The following GPHN variants were observed in gnomAD, a reference collection of about 807,000 sequenced individuals.
GPHN encodes the protein gephyrin.
A neutral mutation model predicts 95.5 loss-of-function variants in GPHN; 17 were observed. The ratio of observed to expected loss-of-function variants is 0.18; its 90% CI spans 0.12 to 0.27. The LOEUF is 0.27. GPHN is among the 10% of genes least tolerant of loss of function. The pLI is 1.00. For missense variants in GPHN, 660 were observed against 978.1 expected (o/e 0.67, Z 4.34); for synonymous variants, 320 against 322.5 (o/e 0.99, Z 0.08).
the GPHN span, among the ~76,000 whole-genome samples, chr14:67,578,956 C>T: frequency 6.6e-6 from 1 of 152,328 alleles, no homozygotes; most frequent in South Asian, 2.1e-4. This position sits in a 1 kb window ranked among gnomAD's most constrained non-coding sequence, Gnocchi z 5.0. Context: ...ATGCCAGCAA[C>T]CTGCTATATA....
chr14:67,190,587 A>G, the GPHN span, among the ~76,000 whole-genome samples: 4 of 152,176 alleles, frequency 2.6e-5, no homozygotes, highest in African/African-American at 9.7e-5. Context: ...AAAAATTCTC[A>G]AAGACTGAGA....
the GPHN span, among the ~76,000 whole-genome samples, chr14:67,572,602 C>T: frequency 7.2e-6 from 1 of 138,858 alleles, no homozygotes; most frequent in African/African-American, 2.5e-5. Context: ...CGCAAGCTAA[C>T]ATTTATTGAA....
intron 1 of GPHN, among the ~76,000 whole-genome samples, chr14:66,640,196 G>A (rs559814702): frequency 8.9e-4 from 135 of 152,258 alleles, no homozygotes; most frequent in Non-Finnish European, 1.4e-3. Context: ...TGAGACACGC[G>A]GATCACTTGA....
intron 2 of GPHN, among the ~76,000 whole-genome samples, chr14:66,691,850 A>G (rs2067802910): frequency 6.6e-6 from 1 of 152,224 alleles, no homozygotes; most frequent in African/African-American, 2.4e-5. Flanking sequence ...AAATTAAGAT[A>G]TAGGGTCTGC....
chr14:66,968,527 C>G (rs911620734), intron 9 of GPHN, among the ~76,000 whole-genome samples: 2 of 152,084 alleles, frequency 1.3e-5, no homozygotes, highest in East Asian at 3.8e-4. Flanking sequence ...AATGTATGTG[C>G]AAACGTATTT....
At chr14:67,345,566 A>G in the GPHN span, among the ~76,000 whole-genome samples, 1 of 152,216 alleles carries the variant, frequency 6.6e-6, no homozygotes, top group African/African-American at 2.4e-5. Context: ...AAAAAAATAA[A>G]AAATACATAA....
chr14:67,643,206 TTCTGA>T, the GPHN span, among the ~76,000 whole-genome samples: 1 of 152,230 alleles, frequency 6.6e-6, no homozygotes, highest in Non-Finnish European at 1.5e-5. Flanking sequence ...TTGAGCACTG[TTCTGA>T]TATTTTCTCA....
chr14:67,199,319 A>C, the GPHN span: 1 of 1,612,338 alleles, frequency 6.2e-7, no homozygotes, highest in Non-Finnish European at 8.5e-7. Context: ...AATACGGGTG[A>C]ACAAGGCATC....
At chr14:67,428,408 C>G in the GPHN span, among the ~76,000 whole-genome samples, 1 of 152,266 alleles carries the variant, frequency 6.6e-6, no homozygotes, top group Non-Finnish European at 1.5e-5. Context: ...ACTTAGAGCA[C>G]TTATGTGCCT....
At chr14:66,563,931 G>A (rs1312605624) in intron 1 of GPHN, among the ~76,000 whole-genome samples, 1 of 152,102 alleles carries the variant, frequency 6.6e-6, no homozygotes, top group Non-Finnish European at 1.5e-5. Flanking sequence ...ACCATAGCAA[G>A]TTTTTGTCTT....
chr14:67,246,651 T>TG, the GPHN span, among the ~76,000 whole-genome samples: 1 of 142,984 alleles, frequency 7.0e-6, no homozygotes. Flanking sequence ...TACTATAGGT[T>TG]TTTTTTTTTT....
intron 13 of GPHN, 46 bp downstream of exon 13, chr14:67,100,957 G>T (rs777095911): frequency 3.6e-6 from 4 of 1,120,068 alleles, no homozygotes; most frequent in South Asian, 1.2e-5. Context: ...CAGCTTCATG[G>T]ACTTTGGGCA....
At chr14:66,932,265 G>A (rs1207964721) in intron 8 of GPHN, among the ~76,000 whole-genome samples, 2 of 151,914 alleles carry the variant, frequency 1.3e-5, no homozygotes, top group Admixed American at 6.6e-5. Context: ...AGTTGGGGAA[G>A]GGTTAATGGA....
chr14:67,496,371 G>A, the GPHN span, among the ~76,000 whole-genome samples: 1 of 138,340 alleles, frequency 7.2e-6, no homozygotes, highest in Non-Finnish European at 1.5e-5. Context: ...GGGATTACAG[G>A]TGTGAGCCAC....
At chr14:66,831,990 CA>C in intron 4 of GPHN, among the ~76,000 whole-genome samples, 1 of 151,906 alleles carries the variant, frequency 6.6e-6, no homozygotes, top group South Asian at 2.1e-4. Context: ...TACTAAAATA[CA>C]AAAAAATTAG....
At chr14:67,655,639 C>T in the GPHN span, among the ~76,000 whole-genome samples, 1 of 151,968 alleles carries the variant, frequency 6.6e-6, no homozygotes, top group Non-Finnish European at 1.5e-5. Flanking sequence ...TGGAAAACAG[C>T]CTTGGCTCTA....
intron 4 of GPHN, among the ~76,000 whole-genome samples, chr14:66,855,803 G>A (rs1487435928): frequency 2.0e-5 from 3 of 152,018 alleles, no homozygotes; most frequent in African/African-American, 7.3e-5. Flanking sequence ...TATGTGGTGT[G>A]AGGTACGAGT....
chr14:67,468,037 G>A, the GPHN span, among the ~76,000 whole-genome samples: 1,319 of 151,922 alleles, frequency 8.7e-3, 16 homozygotes, highest in African/African-American at 0.031. Flanking sequence ...GCAATGGTGC[G>A]ATCTCGGCTC....
In GPHN at chr14:66,681,117, T is replaced by C. The variant is rs749074574; in HGVS notation, c.75T>C (p.Ser25=). The C allele has an allele frequency of 1.9e-6, 3 of 1,583,360 alleles. No homozygotes were observed. The highest frequency in any genetic ancestry group is 2.2e-5 in the South Asian group (2 of 90,346). ...IRVGVLTVSD[S]CFRNLAEDRS... is the part of the protein sequence containing the mutation. Reference sequence around the variant, plus strand: ...CCCATTTCTATTTAGTGAGTGATAGTTGCTTCAGGAATCTTGCAGAAGACC... The same window carrying C: ...CCCATTTCTATTTAGTGAGTGATAGCTGCTTCAGGAATCTTGCAGAAGACC... Residue 25 remains serine (S), a synonymous_variant, in exon 2 of 23, where the codon AGT becomes AGC. Transcript: ENST00000478722.
Sources: gnomAD v4.1 joint callset for allele counts (sites outside exome capture counted in the v4.1 genomes callset) on GRCh38, gnomAD v4.1.1 for gene constraint, Gnocchi (gnomAD v3.1) non-coding constraint, MANE v1.5 for transcripts, NCBI Gene and HGNC (gene_info 2026-07-23, HGNC 2026-07-21) for gene names.